Variants in EYS observed in about 807,000 individuals in gnomAD.
EYS encodes protein eyes shut homolog.
A neutral mutation model predicts 282.1 loss-of-function variants in EYS; 250 were observed. The observed-to-expected ratio is 0.89, with a 90% CI of 0.80 to 0.98. The LOEUF is 0.98. EYS is among the 50% of genes least tolerant of loss of function. EYS has a pLI of 0.00. For missense variants in EYS, 4,016 were observed against 3,709.0 expected (o/e 1.08, Z -2.15); for synonymous variants, 1,355 against 1,282.9 (o/e 1.06, Z -1.20).
chr6:65,123,349 T>C (rs1316058589), intron 12 of EYS, among the ~76,000 whole-genome samples: 1 of 152,184 alleles, frequency 6.6e-6, no homozygotes, highest in African/African-American at 2.4e-5. Flanking sequence ...TTGCTGCTTT[T>C]AATATACCTT....
intron 22 of EYS, among the ~76,000 whole-genome samples, chr6:64,749,859 A>T (rs1772684832): frequency 6.6e-6 from 1 of 152,096 alleles, no homozygotes; most frequent in South Asian, 2.1e-4. Context: ...GCTGGCATTT[A>T]GGAAGTTAGA....
chr6:65,223,198 T>C (rs1443932880), intron 12 of EYS, among the ~76,000 whole-genome samples: 1 of 152,010 alleles, frequency 6.6e-6, no homozygotes, highest in Non-Finnish European at 1.5e-5. Flanking sequence ...CAAAATCCCA[T>C]CTCTACTAAA....
At chr6:64,488,640 T>A (rs1204752434) in intron 26 of EYS, among the ~76,000 whole-genome samples, 1 of 151,078 alleles carries the variant, frequency 6.6e-6, no homozygotes, top group Non-Finnish European at 1.5e-5. Context: ...AGACTAACTA[T>A]GTTTATAATA....
At chr6:64,683,961 G>A (rs1326721058) in intron 22 of EYS, among the ~76,000 whole-genome samples, 1 of 152,170 alleles carries the variant, frequency 6.6e-6, no homozygotes, top group African/African-American at 2.4e-5. Context: ...GCCCTAGTCT[G>A]TAAACGAAGG....
chr6:64,248,181 G>C (rs1455775694), intron 30 of EYS, among the ~76,000 whole-genome samples: 1 of 85,426 alleles, frequency 1.2e-5, no homozygotes, highest in Non-Finnish European at 2.5e-5. Context: ...TACAGAAGAA[G>C]CTTGTGTGTG....
intron 30 of EYS, among the ~76,000 whole-genome samples, chr6:64,261,862 T>C (rs1296537394): frequency 1.3e-5 from 2 of 151,844 alleles, no homozygotes; most frequent in Non-Finnish European, 2.9e-5. Context: ...GGTCAAGGGC[T>C]CCTCCCACCT....
chr6:65,478,230 C>T (rs1336689893), intron 5 of EYS, among the ~76,000 whole-genome samples: 1 of 151,544 alleles, frequency 6.6e-6, no homozygotes, highest in Non-Finnish European at 1.5e-5. Context: ...ATGTATATGG[C>T]TTGTTTATGA....
At chr6:65,214,555 GA>G (rs1288947498) in intron 12 of EYS, among the ~76,000 whole-genome samples, 29 of 152,192 alleles carry the variant, frequency 1.9e-4, no homozygotes. Context: ...AGTGCAAGGT[GA>G]AGTTGCAAGT....
At chr6:64,746,889 T>C (rs1374309465) in intron 22 of EYS, among the ~76,000 whole-genome samples, 1 of 152,242 alleles carries the variant, frequency 6.6e-6, no homozygotes, top group East Asian at 1.9e-4. Context: ...AACTTAATCA[T>C]TTCAATTTGC....
rs531035740 is a variant in EYS, at chr6:65,446,630, C to T, written c.863-41263G>A. Among the ~76,000 whole-genome samples the T allele has an allele frequency of 1.0e-3, 155 of 151,764 alleles. 1 individual carries two copies. The highest frequency in any genetic ancestry group is 3.5e-3 in the African/African-American group (147 of 41,470). On this transcript the variant is annotated intron_variant, in intron 5 of 42. Transcript: ENST00000503581. ...TAACTTGAGAGAAAGCTGAAAAAGC[C>T]AGAGGGAAATAAGTCACAGTAACGA...
chr6:64,810,866 A>C lies in EYS; in HGVS notation c.3443+2512T>G, dbSNP rs183159198. Among the ~76,000 whole-genome samples the C allele has an allele frequency of 2.2e-3, 342 of 152,190 alleles. 6 individuals are homozygous for C. Among genetic ancestry groups the C allele is most frequent in the African/African-American group, 7.7e-3 (320 of 41,574 alleles). The stretch of plus-strand genomic sequence containing the variant: ...ATTAACTTTTACTATGATTGGCATA[A>C]ACTTTGAAGCAAAAATAGTATAAAG... On this transcript the variant is annotated intron_variant, in intron 22 of 42. Coordinates refer to ENST00000503581, the MANE Select transcript of EYS (RefSeq NM_001142800.2).
intron 31 of EYS, among the ~76,000 whole-genome samples, chr6:64,122,926 G>T (rs114046215): frequency 0.031 from 4,598 of 149,510 alleles, 193 homozygotes; most frequent in African/African-American, 0.097. Flanking sequence ...TTTTTTTTTT[G>T]AATTTTCAGT....
chr6:65,481,673 T>G (rs1018098413), intron 5 of EYS, among the ~76,000 whole-genome samples: 8 of 152,108 alleles, frequency 5.3e-5, no homozygotes, highest in Non-Finnish European at 8.8e-5. Flanking sequence ...CTCAGCCTCC[T>G]GAGTAGCTGG....
intron 34 of EYS, among the ~76,000 whole-genome samples, chr6:63,994,254 A>G (rs1215431450): frequency 6.6e-6 from 1 of 151,950 alleles, no homozygotes; most frequent in African/African-American, 2.4e-5. Flanking sequence ...ACACTATATA[A>G]TTACACGGCA....
chr6:64,799,450 T>C (rs150355275), intron 22 of EYS, among the ~76,000 whole-genome samples: 68 of 151,958 alleles, frequency 4.5e-4, no homozygotes, highest in African/African-American at 1.6e-3. Context: ...TCCATTTGTT[T>C]ACAAGTTTCA....
chr6:65,444,606 G>A (rs1768581609), intron 5 of EYS, among the ~76,000 whole-genome samples: 1 of 144,072 alleles, frequency 6.9e-6, no homozygotes, highest in African/African-American at 2.4e-5. Flanking sequence ...TAAATATTGG[G>A]TTTTGTTGTT....
chr6:65,277,511 G>A (rs1377805212), intron 12 of EYS, among the ~76,000 whole-genome samples: 5 of 151,460 alleles, frequency 3.3e-5, no homozygotes, highest in Admixed American at 1.3e-4. Context: ...AGGATACAAG[G>A]AGTCAGCAGT....
At chr6:64,915,903 A>T (rs932203892) in intron 15 of EYS, among the ~76,000 whole-genome samples, 1 of 152,046 alleles carries the variant, frequency 6.6e-6, no homozygotes, top group African/African-American at 2.4e-5. Context: ...TCCTCCTCTC[A>T]AGTTCCTGTT....
rs183164188 is a variant in EYS at position 63,785,400 on chromosome 6, C to T, written c.7723+2705G>A. Among the ~76,000 whole-genome samples the T allele has an allele frequency of 5.1e-4, 77 of 152,230 alleles. 1 individual carries two copies. The highest frequency in any genetic ancestry group is 1.6e-3 in the African/African-American group (66 of 41,516). ...TCTTCTTGTCTTCCTTCCTTCATTC[C>T]GTGCCCAGTCTGAGACCACCATTCA... is the stretch of plus-strand genomic sequence containing the variant. On this transcript the variant is annotated intron_variant, in intron 39 of 42. Transcript: ENST00000503581.
Sources: gnomAD v4.1 joint callset for allele counts (sites outside exome capture counted in the v4.1 genomes callset) on GRCh38, gnomAD v4.1.1 for gene constraint, MANE v1.5 for transcripts, NCBI Gene and HGNC (gene_info 2026-07-23, HGNC 2026-07-21) for gene names.